Variants in LENG8 observed in about 807,000 individuals in gnomAD.
The protein encoded by LENG8 is leukocyte receptor cluster (LRC) member 8.
A neutral mutation model predicts 102.1 loss-of-function variants in LENG8; 28 were observed. The ratio of observed to expected loss-of-function variants is 0.27; its 90% CI spans 0.20 to 0.38. LENG8 has a LOEUF of 0.38. Among genes scored for constraint, LENG8 ranks in the 10% least tolerant of loss-of-function variants. The probability of loss-of-function intolerance (pLI) is 1.00; values close to 1 mark genes in which losing one functional copy is unlikely to be tolerated. For missense variants in LENG8, 1,022 were observed against 1,113.9 expected, an observed-to-expected ratio of 0.92 and a Z score of 1.17; for synonymous variants, 531 against 456.7, an observed-to-expected ratio of 1.16 and a Z score of -2.07.
At chr19:54,452,325 G>C in intron 3 of LENG8, 58 bp downstream of exon 3, 1 of 1,454,824 alleles carries the variant, frequency 6.9e-7, no homozygotes, top group South Asian at 1.2e-5. Context: ...GAGGGACACA[G>C]TCTGGCGTCC....
rs1384719821 is a variant in LENG8, at chr19:54,458,166, C to G, written c.1966C>G (p.Pro656Ala). The change falls in exon 14 of 16, where the codon CCT becomes GCT. Residue 656 changes from proline (P) to alanine (A), a missense_variant. Physicochemically the swap from Pro to Ala is conservative, Grantham distance 27. This residue lies in a region of LENG8 where 158 missense variants were observed against 229.0 expected (regional missense o/e 0.69). Coordinates refer to ENST00000326764, the MANE Select transcript of LENG8 (RefSeq NM_052925.4). ...QLKSLYAENL[P>A]GNVGEFTAYR... ...CAAGTCGCTGTACGCCGAGAACTTG[C>G]CTGGCAATGTGGGCGAGTTTACTGC... The G allele has an allele frequency of 6.2e-7, 1 of 1,614,200 alleles. No homozygotes were observed.
chr19:54,458,410 A>C lies in LENG8; in HGVS notation c.2129A>C (p.Asn710Thr). Residue 710 changes from asparagine to threonine, a missense_variant, in exon 15 of 16, where the codon AAC becomes ACC. Coordinates refer to ENST00000326764, the MANE Select transcript of LENG8 (RefSeq NM_052925.4). ...TTAAGGACAGCCTGGGCCCTGGGCA[A>C]CTACCACCGCTTTTTCCGGCTCTAC... is the stretch of plus-strand genomic sequence containing the variant. ...LALRTAWALG[N>T]YHRFFRLYCH... The C allele has an allele frequency of 1.9e-6, 3 of 1,614,224 alleles. No homozygotes were observed. The highest frequency in any genetic ancestry group is 2.5e-6 in the Non-Finnish European group (3 of 1,180,046).
At chr19:54,460,005 G>T in intron 15 of LENG8, 1 of 1,251,092 alleles carries the variant, frequency 8.0e-7, no homozygotes, top group South Asian at 1.3e-5. Flanking sequence ...CCTCGTGGGT[G>T]GGGCGCCAGT....
chr19:54,456,180 T>A lies in LENG8; in HGVS notation c.1239T>A (p.Ser413=), dbSNP rs2084232667. The A allele has an allele frequency of 6.2e-7, 1 of 1,611,198 alleles. No individual in the cohort carries two copies. The highest frequency in any genetic ancestry group is 8.5e-7 in the Non-Finnish European group (1 of 1,178,240). The change falls in exon 9 of 16, where the codon TCT becomes TCA. Residue 413 remains serine, a synonymous_variant. Transcript: ENST00000326764. ...ACGTCTTCATGAAGGACAACAGCTC[T>A]TCTTCCAGCACAGACTCCCGCTCCC... ...NRNVFMKDNS[S]SSSTDSRSRS...
At position 54,455,597 on chromosome 19, in the gene LENG8, G is replaced by A. The variant is rs202120835; in HGVS notation, c.1025+30G>A. 6 of 1,579,788 alleles carry A rather than the reference G, an allele frequency of 3.8e-6. No individual in the cohort carries two copies. The East Asian group carries it at 1.4e-4, about 36-fold the overall frequency. On this transcript the variant is annotated intron_variant, in intron 8 of 15. Coordinates refer to ENST00000326764, the MANE Select transcript of LENG8 (RefSeq NM_052925.4). ...GTCTGGGTGGGGGACATAGGTGGGA[G>A]GGTGGTGCTGTGAGAGGCATGGGCT...
chr19:54,460,719 G>GCCCCCCCCCCCCCCCCCC, intron 15 of LENG8, 47 bp from the exon 16 acceptor site: 3 of 778,920 alleles, frequency 3.9e-6, no homozygotes, highest in South Asian at 2.1e-5. Flanking sequence ...GCCCTCCCCT[G>GCCCCCCCCCCCCCCCCCC]CCCTCCCGCC....
intron 15 of LENG8, chr19:54,458,818 C>T (rs772877586): frequency 1.1e-5 from 17 of 1,550,956 alleles, no homozygotes; most frequent in Non-Finnish European, 1.5e-5. Flanking sequence ...TCTCTCCTGC[C>T]TGGACCCCCT....
At chr19:54,460,618 G>T in intron 15 of LENG8, 148 bp from the exon 16 acceptor site, 1 of 1,430,816 alleles carries the variant, frequency 7.0e-7, no homozygotes, top group Non-Finnish European at 9.1e-7. Flanking sequence ...CCCCTGAGGT[G>T]GGGAGGCTGG....
Position 54,459,165 on chromosome 19 carries a change from G to A in LENG8, c.2240+644G>A, listed in dbSNP as rs530275876. 50 of 1,233,504 alleles carry A rather than the reference G, an allele frequency of 4.1e-5. No homozygotes were observed. The African/African-American group carries it at 4.7e-4, about 12-fold the overall frequency. The allele number at this position is 1,233,504 out of a possible 1,614,324, so 76.4% of individuals were successfully genotyped here. ...CTGGTGATTGAGGTGCCCAGGCGAC[G>A]CTGGGCAATGTCAAGAGAGGTTTTC... On this transcript the variant is annotated intron_variant, in intron 15 of 15. Coordinates refer to ENST00000326764, the MANE Select transcript of LENG8 (RefSeq NM_052925.4).
At position 54,457,050 on chromosome 19, in the gene LENG8, G is replaced by C. The variant is rs577932686; in HGVS notation, c.1731+129G>C. ...TGGCAGGGGAAGCTCGGCCAGAGAC[G>C]CCTCGGCTGGTCGGCATTCTGAGAG... On this transcript the variant is annotated intron_variant, in intron 11 of 15. Coordinates refer to ENST00000326764, the MANE Select transcript of LENG8 (RefSeq NM_052925.4). 2.8e-6 allele frequency: 3 copies of C among 1,084,140 alleles called. 1 individual carries two copies. The East Asian group carries it at 7.8e-5, about 28-fold the overall frequency. 67.2% of individuals were successfully genotyped at this position (1,084,140 alleles called of 1,614,324 possible). A position where few individuals can be genotyped will look rare whatever the true frequency, so the allele number is the denominator to read the frequency against.
intron 2 of LENG8, among the ~76,000 whole-genome samples, chr19:54,451,678 A>T (rs191615183): frequency 2.8e-3 from 420 of 152,310 alleles, no homozygotes; most frequent in Non-Finnish European, 4.8e-3. Flanking sequence ...CTCAATACAC[A>T]GTCATTTATT....
rs1308859411 is a variant in LENG8, at chr19:54,461,433, T to C, written c.*505T>C. On this transcript the variant is annotated 3_prime_UTR_variant, in exon 16 of 16. Coordinates refer to ENST00000326764, the MANE Select transcript of LENG8 (RefSeq NM_052925.4). ...TCCCAGCCCCTTGGGGCCTCCGTGT[T>C]TGGGGTGGGGGAGCTGCTTAGAGAC... 2 of 459,776 alleles carry C rather than the reference T, an allele frequency of 4.3e-6. No individual in the cohort carries two copies. Among genetic ancestry groups the C allele is most frequent in the East Asian group, 1.4e-4 (2 of 14,402 alleles). The allele number at this position is 459,776 out of a possible 1,614,324, so 28.5% of individuals were successfully genotyped here.
At chr19:54,455,818 C>G (rs55884062) in intron 8 of LENG8, 149 bp from the exon 9 acceptor site, 4 of 877,574 alleles carry the variant, frequency 4.6e-6, no homozygotes, top group Non-Finnish European at 6.9e-6. Flanking sequence ...AACCTGGGTT[C>G]GCGTCTCATT....
chr19:54,456,670 A>T lies in LENG8; in HGVS notation c.1480A>T (p.Lys494Ter). 6.2e-7 allele frequency: 1 copy of T among 1,613,090 alleles called. No homozygotes were observed. The highest frequency in any genetic ancestry group is 8.5e-7 in the Non-Finnish European group (1 of 1,179,672). ...DLAPTKRSRK[K>*]MAALECEDPE... ...GGCGCCCACCAAGCGCAGTCGAAAGAAGATGGCGGCGCTGGAGTGTGAGGA... is the reference window on the plus strand; with the variant it reads ...GGCGCCCACCAAGCGCAGTCGAAAGTAGATGGCGGCGCTGGAGTGTGAGGA... The change falls in exon 11 of 16, where the codon AAG becomes TAG. Residue 494 changes from lysine (K) to a stop codon, truncating the protein, a stop_gained. Transcript: ENST00000326764. LOFTEE classifies it high-confidence loss of function.
At chr19:54,453,804 A>G in intron 5 of LENG8, 148 bp downstream of exon 5, 1 of 633,426 alleles carries the variant, frequency 1.6e-6, no homozygotes, top group Non-Finnish European at 2.7e-6. Flanking sequence ...AGGACAGAGC[A>G]TAGTGTTTGA....
intron 4 of LENG8, 59 bp from the exon 5 acceptor site, chr19:54,453,487 G>T (rs2084058617): frequency 1.8e-6 from 2 of 1,131,636 alleles, no homozygotes; most frequent in Admixed American, 1.8e-5. Context: ...TCCTGAGCAG[G>T]CTGGGGAAGC....
At position 54,457,776 on chromosome 19, in the gene LENG8, G is replaced by A. The variant is rs2084327663; in HGVS notation, c.1761G>A (p.Lys587=). The change falls in exon 12 of 16, where the codon AAG becomes AAA. Residue 587 remains lysine (K), a synonymous_variant. Transcript: ENST00000326764. ...TGAAAAAGTCGCTGTGCATGGTCAA[G>A]TGCCACTGGAAAGAGAAGCAGGACT... ...AVLKKSLCMV[K]CHWKEKQDYA... is the part of the protein sequence containing the mutation. The A allele has an allele frequency of 6.2e-7, 1 of 1,614,032 alleles. No individual in the cohort carries two copies. The highest frequency in any genetic ancestry group is 1.3e-5 in the African/African-American group (1 of 74,932).
chr19:54,455,967 G>A lies in LENG8; in HGVS notation c.1026G>A (p.Gly342=). ...ACGCCCTGCCCTGCTGTATTCTCAG[G>A]CTGACCCGGGAGCCTGTGGCTGAGA... is the stretch of plus-strand genomic sequence containing the variant. ...TIDWSREPLP[G]LTREPVAESP... is the part of the protein sequence containing the mutation. The change falls in exon 9 of 16, where the codon GGG becomes GGA. Residue 342 remains glycine (G), a splice_region_variant and synonymous_variant. Coordinates refer to ENST00000326764, the MANE Select transcript of LENG8 (RefSeq NM_052925.4). The A allele has an allele frequency of 6.2e-7, 1 of 1,611,200 alleles. No homozygotes were observed.
intron 1 of LENG8, among the ~76,000 whole-genome samples, chr19:54,451,005 G>A (rs1279751107): frequency 6.6e-6 from 1 of 152,098 alleles, no homozygotes; most frequent in Non-Finnish European, 1.5e-5. Context: ...TTGCTCACAT[G>A]GGTTTCAGAC....
Sources: gnomAD v4.1 joint callset for allele counts (sites outside exome capture counted in the v4.1 genomes callset) on GRCh38, gnomAD v4.1.1 for gene constraint, gnomAD v4.1.1 regional missense constraint, MANE v1.5 for transcripts, NCBI Gene and HGNC (gene_info 2026-07-23, HGNC 2026-07-21) for gene names.